The following PRKN variants were observed in gnomAD, a reference collection of about 807,000 sequenced individuals.
The protein encoded by PRKN is parkin RBR E3 ubiquitin protein ligase, also known as E3 ubiquitin-protein ligase parkin.
Under a neutral mutation model 59.5 loss-of-function variants are expected in PRKN, and 56 were observed. That is an observed-to-expected ratio of 0.94 (90% CI 0.76 to 1.18). The LOEUF (loss-of-function observed/expected upper bound fraction) is 1.18, where lower values mean the gene tolerates loss of function less well. Ranked by LOEUF, PRKN falls within the 50% of genes most tolerant of loss-of-function variation. PRKN has a pLI of 0.00. For missense variants in PRKN, 657 were observed against 596.4 expected (o/e 1.10, Z -1.06); for synonymous variants, 250 against 222.1 (o/e 1.13, Z -1.12).
At chr6:162,235,830 G>C (rs187783654) in intron 3 of PRKN, among the ~76,000 whole-genome samples, 6 of 149,080 alleles carry the variant, frequency 4.0e-5, no homozygotes, top group Middle Eastern at 6.9e-3. Context: ...AAGAGAGAGA[G>C]AGGGAGGGAG....
intron 5 of PRKN, among the ~76,000 whole-genome samples, chr6:161,996,632 C>T (rs1484339556): frequency 6.6e-6 from 1 of 152,062 alleles, no homozygotes; most frequent in East Asian, 1.9e-4. Flanking sequence ...ATAGCAGACT[C>T]TCTATTTGTT....
chr6:162,279,010 T>A (rs987547028), intron 2 of PRKN, among the ~76,000 whole-genome samples: 1 of 152,222 alleles, frequency 6.6e-6, no homozygotes, highest in African/African-American at 2.4e-5. Flanking sequence ...TCATACTCAG[T>A]CACTAAATGG....
At chr6:162,574,036 G>A (rs1299912524) in intron 1 of PRKN, among the ~76,000 whole-genome samples, 3 of 152,176 alleles carry the variant, frequency 2.0e-5, no homozygotes, top group Non-Finnish European at 2.9e-5. Context: ...TGCTGAGGAC[G>A]ATGCCTGTGC....
chr6:162,380,737 CT>C (rs901799574), intron 2 of PRKN, among the ~76,000 whole-genome samples: 2 of 151,654 alleles, frequency 1.3e-5, no homozygotes, highest in African/African-American at 4.8e-5. Flanking sequence ...AAAAAAAAAC[CT>C]TGAAAAATTC....
At chr6:161,403,147 C>T (rs146752842) in intron 9 of PRKN, among the ~76,000 whole-genome samples, 165 of 152,276 alleles carry the variant, frequency 1.1e-3, no homozygotes, top group Non-Finnish European at 2.1e-3. Context: ...GGCGCCCTTC[C>T]TCCCTCTCGA....
rs1443306093 is a variant in PRKN, at chr6:162,443,306, T to C, written c.171+4A>G. 1.2e-6 allele frequency: 2 copies of C among 1,612,176 alleles called. No homozygotes were observed. The highest frequency in any genetic ancestry group is 4.5e-5 in the East Asian group (2 of 44,844). On this transcript the variant is annotated splice_donor_region_variant and intron_variant, in intron 2 of 11. Coordinates refer to ENST00000366898, the MANE Select transcript of PRKN (RefSeq NM_004562.3). ...CCCAAGAACGGCCGCCAAGGGAGAC[T>C]CACCTGCACAGTCCAGTCATTCCTC... is the stretch of plus-strand genomic sequence containing the variant.
chr6:161,393,927 C>T lies in PRKN; in HGVS notation c.1084-7050G>A, dbSNP rs1015891447. ...CTAGAGTCAAGGCAAACATCAAAGGCATGAAGCACACATTTGTACTTCTTT... is the reference window on the plus strand; with the variant it reads ...CTAGAGTCAAGGCAAACATCAAAGGTATGAAGCACACATTTGTACTTCTTT... On this transcript the variant is annotated intron_variant, in intron 9 of 11. Coordinates refer to ENST00000366898, the MANE Select transcript of PRKN (RefSeq NM_004562.3). This position sits in a 1 kb window ranked among gnomAD's most constrained non-coding sequence, Gnocchi z 4.7. 1.3e-5 allele frequency among the ~76,000 whole-genome samples: 2 copies of T among 152,098 alleles called. No individual in the cohort carries two copies. The highest frequency in any genetic ancestry group is 4.8e-5 in the African/African-American group (2 of 41,382).
At chr6:161,774,253 C>G (rs1052969995) in intron 7 of PRKN, among the ~76,000 whole-genome samples, 1 of 152,066 alleles carries the variant, frequency 6.6e-6, no homozygotes, top group Non-Finnish European at 1.5e-5. Context: ...AGAAGCCATT[C>G]AATAAATGTT....
chr6:161,490,768 CCA>C (rs1777526070), intron 9 of PRKN, among the ~76,000 whole-genome samples: 1 of 152,062 alleles, frequency 6.6e-6, no homozygotes, highest in South Asian at 2.1e-4. Context: ...ATTGTAATCC[CCA>C]GTGTTGACTG....
intron 1 of PRKN, among the ~76,000 whole-genome samples, chr6:162,670,869 AT>A (rs1174328103): frequency 2.6e-5 from 4 of 152,318 alleles, no homozygotes; most frequent in South Asian, 2.1e-4. Flanking sequence ...TAGGTAGGCA[AT>A]TTTTATACTG....
intron 8 of PRKN, among the ~76,000 whole-genome samples, chr6:161,556,566 G>T (rs1262127845): frequency 2.6e-5 from 4 of 152,142 alleles, no homozygotes; most frequent in African/African-American, 9.7e-5. Flanking sequence ...CATTAATGGA[G>T]ATTTGTGACA....
chr6:162,144,904 C>G (rs997240472), intron 4 of PRKN, among the ~76,000 whole-genome samples: 2 of 152,018 alleles, frequency 1.3e-5, no homozygotes, highest in Non-Finnish European at 2.9e-5. Context: ...ACGTAAAAGG[C>G]CTAGTACATT....
intron 2 of PRKN, among the ~76,000 whole-genome samples, chr6:162,299,986 C>T (rs1379458874): frequency 6.6e-6 from 1 of 152,074 alleles, no homozygotes; most frequent in Non-Finnish European, 1.5e-5. Flanking sequence ...TGCTGAGTTA[C>T]ACTCATGTTT....
Position 161,393,848 on chromosome 6 carries a change from A to G in PRKN, c.1084-6971T>C, listed in dbSNP as rs900021090. On this transcript the variant is annotated intron_variant, in intron 9 of 11. Coordinates refer to ENST00000366898, the MANE Select transcript of PRKN (RefSeq NM_004562.3). This position sits in a 1 kb window ranked among gnomAD's most constrained non-coding sequence, Gnocchi z 4.7. ...CATTTATTTTTCTTCCACGGCTCTG[A>G]AATTCTGTGTTAAAAGAATAGGAGA... 6.6e-6 allele frequency among the ~76,000 whole-genome samples: 1 copy of G among 152,226 alleles called. No individual in the cohort carries two copies. Among genetic ancestry groups the G allele is most frequent in the Non-Finnish European group, 1.5e-5 (1 of 68,044 alleles).
chr6:162,725,157 C>T (rs1459085671), intron 1 of PRKN, among the ~76,000 whole-genome samples: 6 of 152,240 alleles, frequency 3.9e-5, no homozygotes, highest in African/African-American at 1.4e-4. Flanking sequence ...CTGCTTCAAC[C>T]TGAGGTCTCC....
In PRKN at chr6:161,353,850, G is replaced by A. The variant is rs1389111698; in HGVS notation, c.1286-3639C>T. On this transcript the variant is annotated intron_variant, in intron 11 of 11. Transcript: ENST00000366898. The surrounding 1 kb of genome is among the most constrained non-coding windows in gnomAD (Gnocchi z 4.8). Reference sequence around the variant, plus strand: ...ACTATTTCCTGGTAGACAGCGCCAGGGTTGAAGAGCAGGACACTCAGCCGG... The same window carrying A: ...ACTATTTCCTGGTAGACAGCGCCAGAGTTGAAGAGCAGGACACTCAGCCGG... 6.6e-6 allele frequency among the ~76,000 whole-genome samples: 1 copy of A among 152,132 alleles called. No homozygotes were observed.
chr6:161,426,804 T>C (rs970997061), intron 9 of PRKN, among the ~76,000 whole-genome samples: 5 of 151,950 alleles, frequency 3.3e-5, no homozygotes, highest in Non-Finnish European at 5.9e-5. Flanking sequence ...CTGCAAGCTC[T>C]GCCTCCCAGG....
Position 162,151,267 on chromosome 6 carries a change from T to A in PRKN, c.534+49864A>T, listed in dbSNP as rs144518435. The stretch of plus-strand genomic sequence containing the variant: ...GGCAAGCTGGCTGGCCGAGAGTTTG[T>A]CTCAAGGTTTGGCTCCATCAGACAA... On this transcript the variant is annotated intron_variant, in intron 4 of 11. Transcript: ENST00000366898. Among the ~76,000 whole-genome samples, 181 of 152,312 alleles carry A rather than the reference T, an allele frequency of 1.2e-3. 5 individuals are homozygous for A. The East Asian group carries it at 0.033, about 27-fold the overall frequency.
At chr6:162,402,287 C>T (rs746219122) in intron 2 of PRKN, among the ~76,000 whole-genome samples, 5 of 151,862 alleles carry the variant, frequency 3.3e-5, no homozygotes, top group Admixed American at 6.6e-5. Flanking sequence ...TAGTGTCATT[C>T]CGATAAGCAG....
Sources: gnomAD v4.1 joint callset for allele counts (sites outside exome capture counted in the v4.1 genomes callset) on GRCh38, gnomAD v4.1.1 for gene constraint, Gnocchi (gnomAD v3.1) non-coding constraint, MANE v1.5 for transcripts, NCBI Gene and HGNC (gene_info 2026-07-23, HGNC 2026-07-21) for gene names.